Variants in CFAP299 observed in about 807,000 individuals in gnomAD.
CFAP299 encodes cilia- and flagella-associated protein 299.
Under a neutral mutation model 27.0 loss-of-function variants are expected in CFAP299, and 21 were observed. That is an observed-to-expected ratio of 0.78 (90% CI 0.55 to 1.12). The LOEUF (loss-of-function observed/expected upper bound fraction) is 1.12, where lower values mean the gene tolerates loss of function less well. Ranked by LOEUF, CFAP299 falls within the 50% of genes most tolerant of loss-of-function variation. The pLI, the probability that CFAP299 is intolerant of heterozygous loss-of-function variation, is 0.00. For synonymous variants in CFAP299, 104 were observed against 98.1 expected (o/e 1.06, Z -0.36); for missense variants, 310 against 276.6 (o/e 1.12, Z -0.86).
chr4:80,728,360 C>T (rs2110052605), intron 3 of CFAP299, among the ~76,000 whole-genome samples: 1 of 152,150 alleles, frequency 6.6e-6, no homozygotes, highest in African/African-American at 2.4e-5. Context: ...GGAACAACAA[C>T]AAAAACAGTA....
chr4:80,873,296 A>G (rs1289953085), intron 4 of CFAP299, among the ~76,000 whole-genome samples: 4 of 152,064 alleles, frequency 2.6e-5, no homozygotes, highest in Non-Finnish European at 5.9e-5. Context: ...AGAGACAAAC[A>G]TTTTGTGGCT....
At chr4:80,352,273 A>T (rs1479367818) in intron 1 of CFAP299, among the ~76,000 whole-genome samples, 1 of 152,224 alleles carries the variant, frequency 6.6e-6, no homozygotes, top group Non-Finnish European at 1.5e-5. Flanking sequence ...AAAAGATTTA[A>T]AGAGCAGTCA....
chr4:80,944,091 TAAATA>T (rs1219692424), intron 4 of CFAP299, among the ~76,000 whole-genome samples: 1 of 150,394 alleles, frequency 6.6e-6, no homozygotes, highest in Admixed American at 6.7e-5. Flanking sequence ...AATAAATAAA[TAAATA>T]AATAAATAAA....
intron 2 of CFAP299, among the ~76,000 whole-genome samples, chr4:80,532,585 AG>A (rs1457025322): frequency 6.6e-6 from 1 of 152,232 alleles, no homozygotes; most frequent in African/African-American, 2.4e-5. Flanking sequence ...TTGCAAAATA[AG>A]ATTAAGTTAT....
In CFAP299 at chr4:80,781,223, G is replaced by A. The variant is rs1006839720; in HGVS notation, c.334-88770G>A. Among the ~76,000 whole-genome samples the A allele has an allele frequency of 2.0e-5, 3 of 151,814 alleles. No individual in the cohort carries two copies. The East Asian group carries it at 5.8e-4, about 29-fold the overall frequency. Reference sequence around the variant, plus strand: ...AAAAAGTAACTTCGTGGAAAATTTTGTCTTTATCATCAGAAGTGTTTTATT... The same window carrying A: ...AAAAAGTAACTTCGTGGAAAATTTTATCTTTATCATCAGAAGTGTTTTATT... On this transcript the variant is annotated intron_variant, in intron 3 of 5. Transcript: ENST00000358105.
chr4:80,414,076 T>TA (rs1726872472), intron 2 of CFAP299, among the ~76,000 whole-genome samples: 1 of 146,738 alleles, frequency 6.8e-6, no homozygotes, highest in Non-Finnish European at 1.5e-5. Flanking sequence ...TTTTTTTTTT[T>TA]TTTTTTTTTT....
At chr4:80,919,358 T>A (rs1249397545) in intron 4 of CFAP299, among the ~76,000 whole-genome samples, 1 of 152,146 alleles carries the variant, frequency 6.6e-6, no homozygotes, top group Non-Finnish European at 1.5e-5. Flanking sequence ...ATAGAACAAA[T>A]GTGGTACAAG....
At chr4:80,728,675 G>T (rs773813675) in intron 3 of CFAP299, among the ~76,000 whole-genome samples, 1 of 152,020 alleles carries the variant, frequency 6.6e-6, no homozygotes, top group African/African-American at 2.4e-5. Flanking sequence ...AAAAATCTTT[G>T]AGTTATATTT....
At chr4:80,418,307 A>G in intron 2 of CFAP299, among the ~76,000 whole-genome samples, 1 of 152,208 alleles carries the variant, frequency 6.6e-6, no homozygotes, top group African/African-American at 2.4e-5. Flanking sequence ...ACATGTGTAT[A>G]TATATATATG....
At chr4:80,955,937 T>C (rs1399121823) in intron 5 of CFAP299, among the ~76,000 whole-genome samples, 2 of 152,088 alleles carry the variant, frequency 1.3e-5, no homozygotes, top group Admixed American at 6.6e-5. Context: ...GAGGCAGAGA[T>C]TGCAGTGAGC....
intron 2 of CFAP299, among the ~76,000 whole-genome samples, chr4:80,472,567 T>C (rs1453862033): frequency 1.3e-5 from 2 of 152,136 alleles, no homozygotes; most frequent in Non-Finnish European, 2.9e-5. Context: ...ACCATGTTTG[T>C]GAGGACCAAG....
rs1740989813 is a variant in CFAP299 at position 80,663,745 on chromosome 4, C to T, written c.333+80562C>T. Reference sequence around the variant, plus strand: ...CACAATGGTTGAACTAAGGTACACTCCCACCAACAGTGTAAAACCTTTCCT... The same window carrying T: ...CACAATGGTTGAACTAAGGTACACTTCCACCAACAGTGTAAAACCTTTCCT... On this transcript the variant is annotated intron_variant, in intron 3 of 5. Transcript: ENST00000358105. 2.0e-5 allele frequency among the ~76,000 whole-genome samples: 3 copies of T among 152,304 alleles called. No individual in the cohort carries two copies. The South Asian group carries it at 6.2e-4, about 32-fold the overall frequency.
At chr4:80,364,483 T>A (rs1723718567) in intron 2 of CFAP299, among the ~76,000 whole-genome samples, 1 of 152,218 alleles carries the variant, frequency 6.6e-6, no homozygotes, top group South Asian at 2.1e-4. Flanking sequence ...ATATCTCTCC[T>A]TTTAAGGACT....
chr4:80,369,780 A>G (rs1724039753), intron 2 of CFAP299, among the ~76,000 whole-genome samples: 1 of 152,208 alleles, frequency 6.6e-6, no homozygotes, highest in African/African-American at 2.4e-5. Flanking sequence ...TAGTGCATGC[A>G]CATCGGTTTT....
chr4:80,763,286 C>A (rs964762180), intron 3 of CFAP299, among the ~76,000 whole-genome samples: 5 of 152,104 alleles, frequency 3.3e-5, no homozygotes, highest in Admixed American at 6.5e-5. Context: ...ATGCAAAAAT[C>A]ACAAGCATTC....
intron 3 of CFAP299, among the ~76,000 whole-genome samples, chr4:80,627,231 A>G (rs1315826321): frequency 2.0e-5 from 3 of 152,014 alleles, no homozygotes; most frequent in Non-Finnish European, 2.9e-5. Context: ...CATGAACAGA[A>G]TGAAGGACAA....
intron 2 of CFAP299, among the ~76,000 whole-genome samples, chr4:80,380,577 G>A (rs1205565885): frequency 6.6e-6 from 1 of 151,920 alleles, no homozygotes; most frequent in Non-Finnish European, 1.5e-5. Context: ...ACAGGTGCAT[G>A]CCACCACACC....
intron 2 of CFAP299, among the ~76,000 whole-genome samples, chr4:80,524,254 G>A (rs1355354899): frequency 1.3e-5 from 2 of 151,860 alleles, no homozygotes; most frequent in Non-Finnish European, 2.9e-5. Flanking sequence ...TTTATTTTAT[G>A]CTTTTTCCTG....
chr4:80,884,654 C>CA (rs34255857), intron 4 of CFAP299, among the ~76,000 whole-genome samples: 16 of 138,096 alleles, frequency 1.2e-4, no homozygotes, highest in South Asian at 4.5e-4. Flanking sequence ...TAGCGAATAC[C>CA]AAAAAAAAAA....
Sources: allele counts gnomAD v4.1 joint callset (sites outside exome capture counted in the v4.1 genomes callset), GRCh38; gene constraint gnomAD v4.1.1; transcripts MANE v1.5; gene names NCBI Gene and HGNC (gene_info 2026-07-23, HGNC 2026-07-21).